Variants in CIZ1 observed in about 807,000 individuals in gnomAD.
The protein encoded by CIZ1 is cip1-interacting zinc finger protein.
CIZ1 carries 58 observed loss-of-function variants against 118.6 expected under a neutral mutation model. The observed-to-expected ratio is 0.49, with a 90% CI of 0.40 to 0.61. The LOEUF (loss-of-function observed/expected upper bound fraction) is 0.61, where lower values mean the gene tolerates loss of function less well. Among genes scored for constraint, CIZ1 ranks in the 20% least tolerant of loss-of-function variants. The pLI, the probability that CIZ1 is intolerant of heterozygous loss-of-function variation, is 0.00. For missense variants in CIZ1, 921 were observed against 1,115.9 expected (o/e 0.83, Z 2.49); for synonymous variants, 448 against 443.4 (o/e 1.01, Z -0.13).
At position 128,203,096 on chromosome 9, in the gene CIZ1, TCA is replaced by T. The variant is rs1833585019; in HGVS notation, c.-6+1088_-6+1089del. On this transcript the variant is annotated intron_variant, in intron 1 of 17. Coordinates refer to the CIZ1 transcript ENST00000372948. The surrounding 1 kb of genome is among the most constrained non-coding windows in gnomAD (Gnocchi z 5.3). ...CCATCTGCTCTCCAGGCCTGTTTCC[TCA>T]TCGGTAAGATGGAGTGAAACATCCA... Among the ~76,000 whole-genome samples, 1 of 152,168 alleles carries T rather than the reference TCA, an allele frequency of 6.6e-6. No homozygotes were observed.
chr9:128,173,866 C>T (rs1354237538), intron 11 of CIZ1, among the ~76,000 whole-genome samples: 2 of 152,004 alleles, frequency 1.3e-5, no homozygotes, highest in African/African-American at 4.8e-5. Context: ...ATTAGCCGGG[C>T]CTAGTGGTAG....
chr9:128,185,354 T>C lies in CIZ1; in HGVS notation c.588+193A>G, dbSNP rs10819371. On this transcript the variant is annotated intron_variant, in intron 5 of 16. Coordinates refer to ENST00000372938, the MANE Select transcript of CIZ1 (RefSeq NM_001131016.2). ...TTGGGCATGGCAAAAATCCCTTCGT[T>C]GATAAAAGAATATTTGAAGTTTGGG... Among the ~76,000 whole-genome samples, 75,484 of 152,066 alleles carry C rather than the reference T, an allele frequency of 0.5. 21,970 individuals carry two copies. Among genetic ancestry groups the C allele is most frequent in the South Asian group, 0.7 (3,349 of 4,818 alleles).
In CIZ1 at chr9:128,166,556, A is replaced by G; in HGVS notation, c.2488-150T>C. On this transcript the variant is annotated intron_variant, in intron 16 of 16. Coordinates refer to ENST00000372938, the MANE Select transcript of CIZ1 (RefSeq NM_001131016.2). This position sits in a 1 kb window ranked among gnomAD's most constrained non-coding sequence, Gnocchi z 4.4. ...CTCGGCCTCTCTGGGCCGTCTCTGG[A>G]GCTAACAGCCTGGCACTCAGCATCC... 1 of 923,016 alleles carries G rather than the reference A, an allele frequency of 1.1e-6. No homozygotes were observed. The highest frequency in any genetic ancestry group is 1.6e-6 in the Non-Finnish European group (1 of 617,612). 57.2% of individuals were successfully genotyped at this position (923,016 alleles called of 1,614,324 possible).
intron 10 of CIZ1, 24 bp downstream of exon 10, chr9:128,177,542 C>CCCCCAAAAT: frequency 8.1e-7 from 1 of 1,229,494 alleles, no homozygotes. Context: ...CACCCCTCCC[C>CCCCCAAAAT]ACCCTTATCT....
chr9:128,172,325 C>G (rs1244334602), intron 11 of CIZ1, among the ~76,000 whole-genome samples: 1 of 152,036 alleles, frequency 6.6e-6, no homozygotes, highest in Non-Finnish European at 1.5e-5. Context: ...AACCCTGTCT[C>G]TACTAAAAAT....
upstream of CIZ1, chr9:128,192,029 C>A (rs1240450113): frequency 6.4e-6 from 5 of 782,748 alleles, no homozygotes; most frequent in Non-Finnish European, 9.1e-6. Context: ...GGGAGAGTCC[C>A]CCTCCAAGTC....
chr9:128,179,300 G>A lies in CIZ1; in HGVS notation c.907C>T (p.Leu303=). ...AATCGTGGCAGCACTTGGGCTTCCA[G>A]GGCCTCAGGCAGCAGGTCTGGTGTC... ...TQTPDLLPEA[L]EAQVLPRFQP... is the part of the protein sequence containing the mutation. The change falls in exon 8 of 17, where the codon CTG becomes TTG. Residue 303 remains leucine, a synonymous_variant. Transcript: ENST00000372938. 1.9e-6 allele frequency: 3 copies of A among 1,614,126 alleles called. No homozygotes were observed. The highest frequency in any genetic ancestry group is 2.5e-6 in the Non-Finnish European group (3 of 1,180,038).
rs1331931342 is a variant in CIZ1 at position 128,167,995 on chromosome 9, T to C, written c.2296-831A>G. On this transcript the variant is annotated intron_variant, in intron 14 of 16. Transcript: ENST00000372938. ...TGAGCAATGAAGCTGGGCCTCATAC[T>C]ACCCTGCCTAGGACTGCAGGCCCCC... is the stretch of plus-strand genomic sequence containing the variant. 2.0e-5 allele frequency among the ~76,000 whole-genome samples: 3 copies of C among 152,208 alleles called. No homozygotes were observed. In the East Asian group the frequency reaches 5.8e-4, roughly 29 times the overall value.
At position 128,185,711 on chromosome 9, in the gene CIZ1, G is replaced by A; in HGVS notation, c.424C>T (p.Leu142=). ...AACTGTTGCAAATTTGGAGTGGCCA[G>A]TTGTGGGGGTGTGAGGCTGGGGGCT... ...LAAPSLTPPQ[L]ATPNLQQFFP... The change falls in exon 5 of 17, where the codon CTG becomes TTG. Residue 142 remains leucine, a synonymous_variant. Transcript: ENST00000372938. 6.2e-7 allele frequency: 1 copy of A among 1,612,264 alleles called. No individual in the cohort carries two copies. The highest frequency in any genetic ancestry group is 8.5e-7 in the Non-Finnish European group (1 of 1,179,022).
chr9:128,185,974 T>C (rs1832317624), intron 4 of CIZ1, among the ~76,000 whole-genome samples, 198 bp from the exon 5 acceptor site: 1 of 152,116 alleles, frequency 6.6e-6, no homozygotes, highest in African/African-American at 2.4e-5. Context: ...AAGGAAGCTT[T>C]AGGGCTCTTT....
rs1833089680 is a variant in CIZ1, at chr9:128,191,143, G to A, written c.-5-281C>T. 2.0e-6 allele frequency: 1 copy of A among 511,922 alleles called. No individual in the cohort carries two copies. Among genetic ancestry groups the A allele is most frequent in the Non-Finnish European group, 3.4e-6 (1 of 291,172 alleles). 31.7% of individuals were successfully genotyped at this position (511,922 alleles called of 1,614,324 possible). On this transcript the variant is annotated intron_variant, in intron 1 of 16. Coordinates refer to ENST00000372938, the MANE Select transcript of CIZ1 (RefSeq NM_001131016.2). This position sits in a 1 kb window ranked among gnomAD's most constrained non-coding sequence, Gnocchi z 5.5. ...AAGTCCCTCCATCTCTCCATTTCTG[G>A]CGGCTCCATCCTCCCACCCTCAGCC...
chr9:128,180,350 CCT>C, intron 7 of CIZ1, 63 bp downstream of exon 7: 1 of 1,237,786 alleles, frequency 8.1e-7, no homozygotes, highest in Non-Finnish European at 1.2e-6. Context: ...CATTGCCACC[CCT>C]GCCTTTGCAG....
intron 1 of CIZ1, among the ~76,000 whole-genome samples, chr9:128,199,546 A>T (rs950708165): frequency 1.3e-5 from 2 of 151,934 alleles, no homozygotes; most frequent in East Asian, 1.9e-4. Flanking sequence ...ACAAAAAAAA[A>T]TTGTTTTAAT....
Position 128,190,667 on chromosome 9 carries a change from G to A in CIZ1, c.170+21C>T, listed in dbSNP as rs747585927. 154 of 1,547,486 alleles carry A rather than the reference G, an allele frequency of 1.0e-4. 1 individual carries two copies. Among genetic ancestry groups the A allele is most frequent in the Non-Finnish European group, 2.2e-5 (25 of 1,147,848 alleles). On this transcript the variant is annotated intron_variant, in intron 2 of 16. Coordinates refer to ENST00000372938, the MANE Select transcript of CIZ1 (RefSeq NM_001131016.2). ...TCTGAGTAGCAAGGCTGAAGCCATC[G>A]CGCCCGAGAGGGGAACTCACCGGCT...
chr9:128,198,961 C>T (rs533246114), intron 1 of CIZ1, among the ~76,000 whole-genome samples: 1 of 152,268 alleles, frequency 6.6e-6, no homozygotes, highest in African/African-American at 2.4e-5. Flanking sequence ...CTGAGTCACA[C>T]TGACAACCGT....
intron 5 of CIZ1, 23 bp downstream of exon 5, chr9:128,185,522 ACT>A: frequency 9.8e-7 from 1 of 1,015,840 alleles, no homozygotes; most frequent in Non-Finnish European, 1.4e-6. Flanking sequence ...CCTCCCGCCC[ACT>A]CCCATCCCCA....
intron 5 of CIZ1, among the ~76,000 whole-genome samples, chr9:128,183,324 G>C (rs12004317): frequency 0.15 from 23,266 of 152,124 alleles, 3,526 homozygotes; most frequent in East Asian, 0.43. Flanking sequence ...AGGACCAACC[G>C]CACCCCAATC....
rs749013238 is a variant in CIZ1 at position 128,185,610 on chromosome 9, G to A, written c.525C>T (p.Asn175=). The change falls in exon 5 of 17, where the codon AAC becomes AAT. Residue 175 remains asparagine, a synonymous_variant. Coordinates refer to ENST00000372938, the MANE Select transcript of CIZ1 (RefSeq NM_001131016.2). ...VGVPMNPSQF[N]LSGRNPQKQA... is the part of the protein sequence containing the mutation. ...GTTTCTGGGGGTTCCGTCCTGAAAGGTTGAACTGGGAAGGGTTCATGGGGA... is the reference window on the plus strand; with the variant it reads ...GTTTCTGGGGGTTCCGTCCTGAAAGATTGAACTGGGAAGGGTTCATGGGGA... 40 of 1,544,420 alleles carry A rather than the reference G, an allele frequency of 2.6e-5. No individual in the cohort carries two copies. The highest frequency in any genetic ancestry group is 2.8e-5 in the Non-Finnish European group (32 of 1,145,356).
chr9:128,170,744 G>A (rs1830028135), intron 11 of CIZ1, among the ~76,000 whole-genome samples: 1 of 152,206 alleles, frequency 6.6e-6, no homozygotes, highest in Non-Finnish European at 1.5e-5. Flanking sequence ...TGTCTACTTG[G>A]AGAAGAAACG....
Sources: gnomAD v4.1 joint callset for allele counts (sites outside exome capture counted in the v4.1 genomes callset) on GRCh38, gnomAD v4.1.1 for gene constraint, Gnocchi (gnomAD v3.1) non-coding constraint, MANE v1.5 for transcripts, NCBI Gene and HGNC (gene_info 2026-07-23, HGNC 2026-07-21) for gene names.